Variants in PKHD1 observed in about 807,000 individuals in gnomAD.
The protein encoded by PKHD1 is PKHD1 ciliary IPT domain containing fibrocystin/polyductin, also known as fibrocystin.
In PKHD1, 291 loss-of-function variants were observed where a neutral mutation model predicts 412.0. The observed-to-expected ratio is 0.71, with a 90% CI of 0.64 to 0.78. PKHD1 has a LOEUF of 0.78. Ranked by LOEUF, PKHD1 falls within the 30% of genes least tolerant of loss-of-function variation. PKHD1 has a pLI of 0.00. For synonymous variants in PKHD1, 1,777 were observed against 1,821.5 expected, an observed-to-expected ratio of 0.98 and a Z score of 0.62; for missense variants, 4,825 against 4,950.7, an observed-to-expected ratio of 0.97 and a Z score of 0.76.
At chr6:52,004,795 C>T (rs549928416) in intron 35 of PKHD1, among the ~76,000 whole-genome samples, 3 of 152,298 alleles carry the variant, frequency 2.0e-5, no homozygotes, top group African/African-American at 7.2e-5. Context: ...CCACTCTAAT[C>T]AGTCAGCATT....
At chr6:51,848,555 G>T (rs1209961115) in intron 49 of PKHD1, among the ~76,000 whole-genome samples, 1 of 152,188 alleles carries the variant, frequency 6.6e-6, no homozygotes, top group East Asian at 1.9e-4. Context: ...GAAGAGTGCA[G>T]TGTCAGGACA....
intron 55 of PKHD1, among the ~76,000 whole-genome samples, chr6:51,769,753 A>G (rs537942505): frequency 1.3e-5 from 2 of 151,422 alleles, no homozygotes; most frequent in African/African-American, 4.8e-5. Context: ...AAAACTGTCA[A>G]TAAGAAAAGT....
At chr6:51,750,540 T>C (rs1223011770) in intron 57 of PKHD1, among the ~76,000 whole-genome samples, 1 of 152,076 alleles carries the variant, frequency 6.6e-6, no homozygotes, top group Non-Finnish European at 1.5e-5. Context: ...GGGAAGGGCA[T>C]GCAGCTCCCA....
intron 6 of PKHD1, among the ~76,000 whole-genome samples, chr6:52,075,906 T>A (rs143277111): frequency 6.6e-6 from 1 of 152,204 alleles, no homozygotes; most frequent in Non-Finnish European, 1.5e-5. Flanking sequence ...TAGTAAGATA[T>A]CTGAAGAGCT....
At chr6:51,757,341 T>C (rs1371460050) in intron 55 of PKHD1, among the ~76,000 whole-genome samples, 1 of 152,130 alleles carries the variant, frequency 6.6e-6, no homozygotes, top group Non-Finnish European at 1.5e-5. Context: ...GATCACACAT[T>C]TGTAAAAATC....
intron 55 of PKHD1, among the ~76,000 whole-genome samples, chr6:51,760,216 G>GA (rs2151055433): frequency 6.6e-6 from 1 of 152,160 alleles, no homozygotes; most frequent in East Asian, 1.9e-4. Context: ...ATATGCCATT[G>GA]AACCAAGAAG....
intron 51 of PKHD1, among the ~76,000 whole-genome samples, chr6:51,834,864 A>T (rs1428947785): frequency 1.3e-5 from 2 of 152,194 alleles, no homozygotes; most frequent in African/African-American, 4.8e-5. Context: ...ATTTAAACAC[A>T]TTAGAGGCTA....
intron 60 of PKHD1, among the ~76,000 whole-genome samples, chr6:51,668,623 C>T (rs1774298246): frequency 6.6e-6 from 1 of 152,122 alleles, no homozygotes. Flanking sequence ...TGTCTTGTGC[C>T]AGTTTTCAAA....
At chr6:51,800,207 A>C (rs921750274) in intron 52 of PKHD1, among the ~76,000 whole-genome samples, 5 of 152,326 alleles carry the variant, frequency 3.3e-5, no homozygotes, top group African/African-American at 1.2e-4. Context: ...TCCATCAAGC[A>C]CTAAACACCA....
intron 51 of PKHD1, among the ~76,000 whole-genome samples, chr6:51,834,447 T>G (rs1768829846): frequency 6.6e-6 from 1 of 152,176 alleles, no homozygotes; most frequent in African/African-American, 2.4e-5. Context: ...CATACTCATA[T>G]CGGTTAACAC....
intron 35 of PKHD1, among the ~76,000 whole-genome samples, chr6:52,004,466 T>C (rs1032415825): frequency 1.3e-5 from 2 of 152,234 alleles, no homozygotes; most frequent in Non-Finnish European, 2.9e-5. Context: ...CGTTTCAACA[T>C]CTCTATCATC....
intron 63 of PKHD1, among the ~76,000 whole-genome samples, chr6:51,640,591 G>A (rs547331274): frequency 1.3e-5 from 2 of 152,048 alleles, no homozygotes; most frequent in African/African-American, 4.8e-5. Flanking sequence ...GTGGGGTGCT[G>A]GGCTCGAGCA....
Position 51,638,935 on chromosome 6 carries a change from T to C in PKHD1, c.11420A>G (p.Gln3807Arg). 1 of 1,613,626 alleles carries C rather than the reference T, an allele frequency of 6.2e-7. No homozygotes were observed. Among genetic ancestry groups the C allele is most frequent in the East Asian group, 2.2e-5 (1 of 44,864 alleles). Residue 3807 changes from glutamine (Q) to arginine (R), a missense_variant, in exon 64 of 67, where the codon CAA becomes CGA. By Grantham distance (43) the Gln-to-Arg change is conservative. Transcript: ENST00000371117. ...VLKGCTQAET[Q>R]DGYVSFYNLA... The stretch of plus-strand genomic sequence containing the variant: ...GTTGTAGAAGCTAACATAACCATCT[T>C]GAGTTTCTGCCTGGGTGCACCCTAC...
At position 51,887,114 on chromosome 6, in the gene PKHD1, T is replaced by A. The variant is rs375875942; in HGVS notation, c.7109+19A>T. 2.8e-5 allele frequency: 40 copies of A among 1,454,196 alleles called. No homozygotes were observed. The highest frequency in any genetic ancestry group is 3.9e-5 in the Non-Finnish European group (40 of 1,033,946). The allele number at this position is 1,454,196 out of a possible 1,614,324, so 90.1% of individuals were successfully genotyped here. On this transcript the variant is annotated intron_variant, in intron 44 of 66. Transcript: ENST00000371117. ...AATCATAAGACAGCCAAAACATAGA[T>A]GAATTTCCCCAAAGTTACCTGGTAC...
intron 22 of PKHD1, among the ~76,000 whole-genome samples, chr6:52,049,473 T>C (rs1293523488): frequency 6.6e-6 from 1 of 152,142 alleles, no homozygotes; most frequent in Non-Finnish European, 1.5e-5. Context: ...TGAATATATA[T>C]ATCCCTACAC....
At chr6:52,058,271 G>C in intron 16 of PKHD1, 52 bp downstream of exon 16, 1 of 1,592,146 alleles carries the variant, frequency 6.3e-7, no homozygotes, top group East Asian at 2.2e-5. Context: ...TGCTACATGG[G>C]ACTTTATTCC....
intron 60 of PKHD1, among the ~76,000 whole-genome samples, chr6:51,660,474 G>T: frequency 6.6e-6 from 1 of 152,032 alleles, no homozygotes; most frequent in East Asian, 1.9e-4. Context: ...GACTCCACAA[G>T]GTAAGGGCTC....
intron 53 of PKHD1, among the ~76,000 whole-genome samples, chr6:51,790,009 T>A (rs1582703572): frequency 2.0e-5 from 3 of 152,188 alleles, no homozygotes. Flanking sequence ...CTGGAAGTAT[T>A]CAAGAAAAGG....
At chr6:51,761,348 T>A (rs1198048536) in intron 55 of PKHD1, among the ~76,000 whole-genome samples, 1 of 152,014 alleles carries the variant, frequency 6.6e-6, no homozygotes, top group Non-Finnish European at 1.5e-5. Context: ...TACCACATGA[T>A]CTCACTTGCA....
Sources: allele counts gnomAD v4.1 joint callset (sites outside exome capture counted in the v4.1 genomes callset), GRCh38; gene constraint gnomAD v4.1.1; transcripts MANE v1.5; gene names NCBI Gene and HGNC (gene_info 2026-07-23, HGNC 2026-07-21).